Variants in TPRG1 observed in about 807,000 individuals in gnomAD.
The protein encoded by TPRG1 is tumor protein p63-regulated gene 1 protein.
TPRG1 carries 29 observed loss-of-function variants against 29.3 expected under a neutral mutation model. That is an observed-to-expected ratio of 0.99 (90% CI 0.74 to 1.35). The LOEUF is 1.35. Ranked by LOEUF, TPRG1 falls within the 40% of genes most tolerant of loss-of-function variation. The probability of loss-of-function intolerance (pLI) is 0.00; values close to 1 mark genes in which losing one functional copy is unlikely to be tolerated. For synonymous variants in TPRG1, 130 were observed against 116.8 expected, an observed-to-expected ratio of 1.11 and a Z score of -0.73; for missense variants, 327 against 335.0, an observed-to-expected ratio of 0.98 and a Z score of 0.19.
intron 4 of TPRG1, among the ~76,000 whole-genome samples, chr3:189,031,505 T>C (rs1713934081): frequency 6.6e-6 from 1 of 152,184 alleles, no homozygotes; most frequent in Non-Finnish European, 1.5e-5. Context: ...GGTGGTAGGT[T>C]AGTATTTTCT....
chr3:189,215,487 C>T (rs1578862681), intron 3 of TPRG1, 104 bp downstream of exon 3: 1 of 953,342 alleles, frequency 1.0e-6, no homozygotes, highest in East Asian at 2.5e-5. Context: ...TCTCTGGTTG[C>T]TACATAAGAT....
At chr3:189,284,941 G>A (rs1560650470) in intron 4 of TPRG1, among the ~76,000 whole-genome samples, 1 of 152,096 alleles carries the variant, frequency 6.6e-6, no homozygotes, top group Non-Finnish European at 1.5e-5. Context: ...TGACAAATGG[G>A]ATCTAATTAA....
chr3:189,097,780 G>T (rs1718780106), upstream of TPRG1, among the ~76,000 whole-genome samples: 1 of 152,142 alleles, frequency 6.6e-6, no homozygotes, highest in African/African-American at 2.4e-5. Context: ...AGGAAAAGTG[G>T]CAAATAATAG....
chr3:189,214,228 T>C (rs1232221066), intron 2 of TPRG1, among the ~76,000 whole-genome samples: 1 of 152,216 alleles, frequency 6.6e-6, no homozygotes, highest in African/African-American at 2.4e-5. Context: ...TTTAGGATTA[T>C]TTCATGACTC....
At chr3:189,103,877 T>C (rs1273193960) in intron 1 of TPRG1, among the ~76,000 whole-genome samples, 2 of 152,190 alleles carry the variant, frequency 1.3e-5, no homozygotes, top group African/African-American at 4.8e-5. Context: ...TCACGGCCCA[T>C]CACAGTTCCT....
intron 4 of TPRG1, among the ~76,000 whole-genome samples, chr3:189,061,511 A>G (rs1716101177): frequency 6.6e-6 from 1 of 152,258 alleles, no homozygotes; most frequent in Non-Finnish European, 1.5e-5. Flanking sequence ...GACAATGTAC[A>G]GAATGTGAGA....
intron 4 of TPRG1, among the ~76,000 whole-genome samples, chr3:189,293,731 CT>C (rs1719405995): frequency 6.6e-6 from 1 of 152,182 alleles, no homozygotes; most frequent in African/African-American, 2.4e-5. Flanking sequence ...CTGTCTCCTC[CT>C]TTTTATTCTC....
intron 5 of TPRG1, among the ~76,000 whole-genome samples, chr3:189,155,316 G>A (rs1045059850): frequency 6.6e-6 from 1 of 152,196 alleles, no homozygotes; most frequent in Non-Finnish European, 1.5e-5. Flanking sequence ...TAGAGTCTGG[G>A]ATTAGGGTGG....
chr3:189,050,148 C>T (rs1715224462), intron 4 of TPRG1, among the ~76,000 whole-genome samples: 1 of 151,840 alleles, frequency 6.6e-6, no homozygotes, highest in Non-Finnish European at 1.5e-5. Flanking sequence ...AAACAAAAAG[C>T]TGGTTCTTTG....
chr3:189,058,886 T>C (rs960391489), intron 4 of TPRG1, among the ~76,000 whole-genome samples: 1 of 152,172 alleles, frequency 6.6e-6, no homozygotes, highest in African/African-American at 2.4e-5. Context: ...CTTAGAAGCA[T>C]TGAAAACGTC....
At chr3:189,237,992 G>A (rs995481715) in intron 3 of TPRG1, among the ~76,000 whole-genome samples, 5 of 152,178 alleles carry the variant, frequency 3.3e-5, no homozygotes, top group African/African-American at 7.2e-5. Flanking sequence ...TTAACAAGAA[G>A]CTATTGTATT....
intron 4 of TPRG1, among the ~76,000 whole-genome samples, chr3:189,247,852 C>T (rs1741584578): frequency 6.6e-6 from 1 of 151,596 alleles, no homozygotes; most frequent in African/African-American, 2.4e-5. Flanking sequence ...TGAATACTAC[C>T]TGGAATTAGT....
At chr3:189,017,678 C>T (rs1357484039) in intron 3 of TPRG1, among the ~76,000 whole-genome samples, 3 of 152,074 alleles carry the variant, frequency 2.0e-5, no homozygotes, top group Admixed American at 1.3e-4. Flanking sequence ...TGAATAGTGC[C>T]GCTATAAACA....
chr3:189,317,280 A>T (rs1266654627), intron 5 of TPRG1, among the ~76,000 whole-genome samples: 1 of 152,170 alleles, frequency 6.6e-6, no homozygotes, highest in Non-Finnish European at 1.5e-5. Flanking sequence ...TTAAGAGATC[A>T]TGGTTTGGTA....
chr3:189,086,434 T>C (rs944554540), intron 4 of TPRG1, among the ~76,000 whole-genome samples: 1 of 151,944 alleles, frequency 6.6e-6, no homozygotes, highest in African/African-American at 2.4e-5. Context: ...TCAAAGCTCA[T>C]TGCATCCTGG....
At chr3:189,236,635 T>C (rs1739490476) in intron 3 of TPRG1, among the ~76,000 whole-genome samples, 1 of 152,188 alleles carries the variant, frequency 6.6e-6, no homozygotes, top group East Asian at 1.9e-4. Context: ...GTATTCTAGC[T>C]GAGTGATTTT....
chr3:189,056,121 G>C (rs1208422602), intron 4 of TPRG1, among the ~76,000 whole-genome samples: 2 of 134,422 alleles, frequency 1.5e-5, no homozygotes, highest in African/African-American at 2.8e-5. Context: ...TTCTGAGAGA[G>C]AGTCTCATTC....
At chr3:189,272,484 G>A (rs1287389474) in intron 4 of TPRG1, among the ~76,000 whole-genome samples, 1 of 152,072 alleles carries the variant, frequency 6.6e-6, no homozygotes, top group African/African-American at 2.4e-5. Flanking sequence ...CATCGAGACT[G>A]TTGCTTATTG....
In TPRG1 at chr3:189,286,815, C is replaced by T. The variant is rs114134772; in HGVS notation, c.480-23571C>T. Among the ~76,000 whole-genome samples, 1,307 of 152,160 alleles carry T rather than the reference C, an allele frequency of 8.6e-3. 28 individuals are homozygous for T. The highest frequency in any genetic ancestry group is 0.03 in the African/African-American group (1,250 of 41,532). On this transcript the variant is annotated intron_variant, in intron 4 of 5. Coordinates refer to ENST00000345063, the MANE Select transcript of TPRG1 (RefSeq NM_198485.4). The stretch of plus-strand genomic sequence containing the variant: ...GAGAGATGAAATGACAGCAGGCTTC[C>T]TTGGTAGCTTCCTACTTTCTTTTCT...
Sources: allele counts gnomAD v4.1 joint callset (sites outside exome capture counted in the v4.1 genomes callset), GRCh38; gene constraint gnomAD v4.1.1; transcripts MANE v1.5; gene names NCBI Gene and HGNC (gene_info 2026-07-23, HGNC 2026-07-21).